Variants in GLI2 observed in about 807,000 individuals in gnomAD.
The protein encoded by GLI2 is GLI family zinc finger 2.
In GLI2, 22 loss-of-function variants were observed where a neutral mutation model predicts 78.9. The ratio of observed to expected loss-of-function variants is 0.28; its 90% CI spans 0.20 to 0.40. The LOEUF (loss-of-function observed/expected upper bound fraction) is 0.40, where lower values mean the gene tolerates loss of function less well. Ranked by LOEUF, GLI2 falls within the 10% of genes least tolerant of loss-of-function variation. The pLI is 1.00. For missense variants in GLI2, 2,097 were observed against 2,213.2 expected (o/e 0.95, Z 1.05); for synonymous variants, 974 against 963.7 (o/e 1.01, Z -0.20).
At chr2:120,965,101 C>G (rs1250651079) in intron 5 of GLI2, among the ~76,000 whole-genome samples, 1 of 152,216 alleles carries the variant, frequency 6.6e-6, no homozygotes, top group Non-Finnish European at 1.5e-5. Flanking sequence ...AGGCATTTAT[C>G]CAGATACTGC....
intron 3 of GLI2, among the ~76,000 whole-genome samples, chr2:120,947,022 C>T (rs1287917872): frequency 1.3e-5 from 2 of 152,190 alleles, no homozygotes; most frequent in African/African-American, 4.8e-5. Context: ...GTTCCAGCTC[C>T]CTACCCAGAG....
At chr2:120,920,013 G>T (rs1056853131) in intron 2 of GLI2, among the ~76,000 whole-genome samples, 1 of 152,252 alleles carries the variant, frequency 6.6e-6, no homozygotes, top group Non-Finnish European at 1.5e-5. Context: ...GGGGCAACTC[G>T]ATTTCTCTCT....
chr2:120,950,406 A>G (rs1203511015), intron 3 of GLI2, among the ~76,000 whole-genome samples: 1 of 152,100 alleles, frequency 6.6e-6, no homozygotes, highest in African/African-American at 2.4e-5. Context: ...ACCTCAAAAT[A>G]CACCTGCAGC....
At position 120,984,585 on chromosome 2, in the gene GLI2, C is replaced by A; in HGVS notation, c.1747C>A (p.Arg583Ser). ...GPDAHVTKKQ[R>S]NDVHLRTPLL... ...AGATGCCCACGTCACCAAGAAGCAG[C>A]GCAATGACGTGCACCTCCGCACACC... is the stretch of plus-strand genomic sequence containing the variant. Residue 583 changes from arginine to serine, a missense_variant, in exon 12 of 14, where the codon CGC (arginine) becomes AGC (serine). Transcript: ENST00000361492. 6.2e-7 allele frequency: 1 copy of A among 1,614,228 alleles called. No homozygotes were observed. The highest frequency in any genetic ancestry group is 8.5e-7 in the Non-Finnish European group (1 of 1,180,038).
At chr2:120,769,588 A>G (rs1683466787) in intron 1 of GLI2, among the ~76,000 whole-genome samples, 1 of 152,252 alleles carries the variant, frequency 6.6e-6, no homozygotes. Flanking sequence ...AATAACTTAC[A>G]GAAGGCAAGC....
rs886054816 is a variant in GLI2 at position 120,989,381 on chromosome 2, C to T, written c.3416C>T (p.Ala1139Val). 1.9e-6 allele frequency: 3 copies of T among 1,612,996 alleles called. No homozygotes were observed. The highest frequency in any genetic ancestry group is 2.7e-5 in the African/African-American group (2 of 75,062). ...WNEVSSGTVD[A>V]LASQVKPPPF... ...GAGGTGAGCTCCGGCACCGTAGACG[C>T]CCTGGCCAGCCAGGTGAAGCCTCCA... Residue 1139 changes from alanine to valine, a missense_variant, in exon 14 of 14, where the codon GCC (alanine) becomes GTC (valine). Physicochemically the swap from Ala to Val is moderately conservative, Grantham distance 64 (BLOSUM62 0). Around this residue, in one of 5 missense-constraint regions of GLI2, gnomAD observed 1,290 missense variants for 1,261.7 expected, o/e 1.02. Coordinates refer to ENST00000361492, the MANE Select transcript of GLI2 (RefSeq NM_001374353.1).
intron 2 of GLI2, among the ~76,000 whole-genome samples, chr2:120,911,227 A>G (rs1351026701): frequency 1.3e-5 from 2 of 152,248 alleles, no homozygotes; most frequent in South Asian, 2.1e-4. Flanking sequence ...GACACAGATT[A>G]GCCATTTGAC....
chr2:120,891,274 G>T (rs1677667110), intron 2 of GLI2, among the ~76,000 whole-genome samples: 1 of 152,150 alleles, frequency 6.6e-6, no homozygotes, highest in Non-Finnish European at 1.5e-5. Flanking sequence ...TGGTGCTTGT[G>T]TTGCCTGTTG....
intron 3 of GLI2, among the ~76,000 whole-genome samples, chr2:120,944,165 A>T (rs1323109165): frequency 6.6e-6 from 1 of 152,130 alleles, no homozygotes; most frequent in Non-Finnish European, 1.5e-5. Flanking sequence ...AGTGCTCATT[A>T]CCTTGACCTT....
chr2:120,928,267 C>T (rs1444786227), intron 3 of GLI2, among the ~76,000 whole-genome samples: 1 of 152,172 alleles, frequency 6.6e-6, no homozygotes, highest in Non-Finnish European at 1.5e-5. Flanking sequence ...CTCACCTGTT[C>T]ATGCCAAGGT....
At chr2:120,987,622 C>T (rs1476433623) in intron 13 of GLI2, among the ~76,000 whole-genome samples, 2 of 152,288 alleles carry the variant, frequency 1.3e-5, no homozygotes, top group Non-Finnish European at 1.5e-5. Context: ...CCTGTAATAA[C>T]CTGCTCCTTA....
At chr2:120,753,170 C>G (rs1442112281) in intron 1 of GLI2, among the ~76,000 whole-genome samples, 1 of 146,444 alleles carries the variant, frequency 6.8e-6, no homozygotes, top group Non-Finnish European at 1.5e-5. Flanking sequence ...GATCTCAGCT[C>G]ACTGCAACTT....
intron 2 of GLI2, among the ~76,000 whole-genome samples, chr2:120,918,970 G>A (rs895548): frequency 0.92 from 139,859 of 152,280 alleles, 64,397 homozygotes; most frequent in East Asian, 1. Flanking sequence ...GTGTGACACT[G>A]GAGCAAGCTG....
At chr2:120,765,210 C>T (rs1333861965) in intron 1 of GLI2, among the ~76,000 whole-genome samples, 2 of 152,188 alleles carry the variant, frequency 1.3e-5, no homozygotes, top group African/African-American at 4.8e-5. Flanking sequence ...CTCATGTGCC[C>T]TCAGGGGACA....
At chr2:120,928,311 TG>T (rs1317788259) in intron 3 of GLI2, among the ~76,000 whole-genome samples, 1 of 152,176 alleles carries the variant, frequency 6.6e-6, no homozygotes, top group Admixed American at 6.5e-5. Flanking sequence ...TCTCTGTGCC[TG>T]GGGCCAGCTG....
At chr2:120,867,696 C>G (rs1053395188) in intron 2 of GLI2, among the ~76,000 whole-genome samples, 1 of 152,232 alleles carries the variant, frequency 6.6e-6, no homozygotes, top group Non-Finnish European at 1.5e-5. Context: ...CTGCAGCGCC[C>G]TTCTCCCACG....
intron 5 of GLI2, among the ~76,000 whole-genome samples, chr2:120,965,051 G>A (rs137924433): frequency 2.0e-5 from 3 of 152,370 alleles, no homozygotes; most frequent in African/African-American, 7.2e-5. Context: ...ACTAAATGGT[G>A]GTTGTCACTG....
At chr2:120,798,609 A>G (rs1300503320) in intron 2 of GLI2, among the ~76,000 whole-genome samples, 5 of 152,182 alleles carry the variant, frequency 3.3e-5, no homozygotes, top group Non-Finnish European at 7.3e-5. Flanking sequence ...GTCAACCTTC[A>G]GGCCCCTTGG....
At chr2:120,879,688 C>G (rs1057030371) in intron 2 of GLI2, among the ~76,000 whole-genome samples, 6 of 152,314 alleles carry the variant, frequency 3.9e-5, no homozygotes, top group African/African-American at 1.4e-4. Context: ...GCTGGAGTCA[C>G]TTAACGGCTG....
Sources: allele counts gnomAD v4.1 joint callset (sites outside exome capture counted in the v4.1 genomes callset), GRCh38; gene constraint gnomAD v4.1.1; regional missense constraint gnomAD v4.1.1; transcripts MANE v1.5; gene names NCBI Gene and HGNC (gene_info 2026-07-23, HGNC 2026-07-21).